The following VPS35L variants were observed in gnomAD, a reference collection of about 807,000 sequenced individuals.
VPS35L encodes VPS35 endosomal protein sorting factor like, also known as VPS35 endosomal protein-sorting factor-like.
VPS35L carries 83 observed loss-of-function variants against 133.0 expected under a neutral mutation model. The observed-to-expected ratio is 0.62, with a 90% CI of 0.52 to 0.75. The LOEUF is 0.75. VPS35L is among the 30% of genes least tolerant of loss of function. The pLI is 0.00. For synonymous variants in VPS35L, 423 were observed against 449.9 expected, an observed-to-expected ratio of 0.94 and a Z score of 0.76; for missense variants, 1,083 against 1,206.8, an observed-to-expected ratio of 0.90 and a Z score of 1.52.
At chr16:19,625,350 A>G (rs1305144703) in intron 14 of VPS35L, among the ~76,000 whole-genome samples, 1 of 152,210 alleles carries the variant, frequency 6.6e-6, no homozygotes, top group Admixed American at 6.5e-5. Flanking sequence ...GCTGGTGGGC[A>G]CTAAGCTCTA....
chr16:19,606,925 C>T (rs1379700745), intron 9 of VPS35L, among the ~76,000 whole-genome samples: 3 of 152,202 alleles, frequency 2.0e-5, no homozygotes, highest in Non-Finnish European at 4.4e-5. Context: ...GCTGGGGCTA[C>T]AGGCATGAGC....
At chr16:19,564,358 A>C (rs1379475498) in intron 1 of VPS35L, among the ~76,000 whole-genome samples, 1 of 152,050 alleles carries the variant, frequency 6.6e-6, no homozygotes, top group East Asian at 1.9e-4. Flanking sequence ...AATTATAGGC[A>C]TGAGCCACTG....
intron 5 of VPS35L, among the ~76,000 whole-genome samples, chr16:19,575,861 A>AAT (rs1971516106): frequency 6.9e-6 from 1 of 144,136 alleles, no homozygotes; most frequent in South Asian, 2.2e-4. Flanking sequence ...GTATTAAAAA[A>AAT]ATATATATAT....
At chr16:19,601,594 TAACA>T (rs1972385730) in intron 8 of VPS35L, 66 bp from the exon 9 acceptor site, 1 of 1,491,380 alleles carries the variant, frequency 6.7e-7, no homozygotes, top group African/African-American at 1.4e-5. Flanking sequence ...GGTCCCTAAT[TAACA>T]AACATTTATT....
At chr16:19,650,247 A>G in intron 24 of VPS35L, 135 bp from the exon 25 acceptor site, 1 of 711,974 alleles carries the variant, frequency 1.4e-6, no homozygotes, top group Admixed American at 2.1e-5. Flanking sequence ...TTCAAGGTTT[A>G]GTGCTAACCA....
intron 26 of VPS35L, among the ~76,000 whole-genome samples, chr16:19,653,205 G>A (rs1169119055): frequency 6.6e-6 from 1 of 152,150 alleles, no homozygotes; most frequent in African/African-American, 2.4e-5. Context: ...CCAAGAGAAG[G>A]CACTCAGGTG....
chr16:19,609,124 A>G (rs1972627735), intron 11 of VPS35L, 103 bp downstream of exon 11: 5 of 985,924 alleles, frequency 5.1e-6, no homozygotes, highest in East Asian at 2.5e-5. Flanking sequence ...TTCACTGAGT[A>G]CTTAATGTGT....
chr16:19,691,380 G>A lies in VPS35L; in HGVS notation c.2555G>A (p.Gly852Glu), dbSNP rs138740165. The A allele has an allele frequency of 6.2e-6, 10 of 1,613,736 alleles. No homozygotes were observed. Among genetic ancestry groups the A allele is most frequent in the African/African-American group, 1.3e-5 (1 of 74,930 alleles). The change falls in exon 29 of 31, where the codon GGA (glycine) becomes GAA (glutamate). Residue 852 changes from glycine (G) to glutamate (E), a missense_variant. Physicochemically the swap from Gly to Glu is moderately conservative, Grantham distance 98. Coordinates refer to ENST00000417362, the MANE Select transcript of VPS35L (RefSeq NM_020314.7). ...KVDSNDSLYG[G>E]DSKFLAENNK... ...GACTCCAACGACAGCCTCTACGGGG[G>A]AGACTCCAAGTTCCTGGCAGAAAAC... is the stretch of plus-strand genomic sequence containing the variant.
At chr16:19,690,893 C>T (rs920086313) in intron 28 of VPS35L, among the ~76,000 whole-genome samples, 4 of 151,526 alleles carry the variant, frequency 2.6e-5, no homozygotes, top group Non-Finnish European at 5.9e-5. Flanking sequence ...AGCCTTGAGG[C>T]GGAGGTTGCA....
rs1421605843 is a variant in VPS35L at position 19,637,657 on chromosome 16, G to C, written c.1698+1G>C. 6.4e-7 allele frequency: 1 copy of C among 1,568,960 alleles called. No homozygotes were observed. The highest frequency in any genetic ancestry group is 8.7e-7 in the Non-Finnish European group (1 of 1,150,386). ...TGACTTCTCAGTTCTTTTCTCAGTGGTAAGTAGGATTTCTTAATTATCTTT... is the reference window on the plus strand; with the variant it reads ...TGACTTCTCAGTTCTTTTCTCAGTGCTAAGTAGGATTTCTTAATTATCTTT... On this transcript the variant is annotated splice_donor_variant, in intron 20 of 30. Coordinates refer to ENST00000417362, the MANE Select transcript of VPS35L (RefSeq NM_020314.7). LOFTEE classifies it high-confidence loss of function.
chr16:19,570,856 T>TC (rs1971346243), intron 3 of VPS35L, among the ~76,000 whole-genome samples: 1 of 43,868 alleles, frequency 2.3e-5, no homozygotes, highest in African/African-American at 2.4e-4. Flanking sequence ...TATATATATA[T>TC]ATATATATAT....
In VPS35L at chr16:19,601,645, T is replaced by G. The variant is rs1454942696; in HGVS notation, c.725-19T>G. The G allele has an allele frequency of 6.2e-7, 1 of 1,613,202 alleles. No individual in the cohort carries two copies. The highest frequency in any genetic ancestry group is 8.5e-7 in the Non-Finnish European group (1 of 1,179,302). On this transcript the variant is annotated intron_variant, in intron 8 of 30. Transcript: ENST00000417362. ...CCTGAAGAGTGTGATACTAACACCA[T>G]CTGTCCTTTTCCTCCCAGGAAAGCT...
chr16:19,640,467 G>A (rs1297272440), intron 21 of VPS35L, among the ~76,000 whole-genome samples: 1 of 152,200 alleles, frequency 6.6e-6, no homozygotes, highest in South Asian at 2.1e-4. Context: ...AGAAGGAGCA[G>A]TCTTTTGATA....
chr16:19,613,414 T>A (rs1972788141), intron 12 of VPS35L, among the ~76,000 whole-genome samples: 1 of 152,236 alleles, frequency 6.6e-6, no homozygotes, highest in African/African-American at 2.4e-5. Context: ...CTGGCCAGTG[T>A]CTGGAGAGGC....
At chr16:19,685,964 C>G (rs913897221) in intron 28 of VPS35L, among the ~76,000 whole-genome samples, 1 of 152,154 alleles carries the variant, frequency 6.6e-6, no homozygotes, top group African/African-American at 2.4e-5. Flanking sequence ...TTTCTCTGAA[C>G]AAGGCCGCCA....
rs371127603 is a variant in VPS35L, at chr16:19,689,170, G to T, written c.2528-2183G>T. On this transcript the variant is annotated intron_variant, in intron 28 of 30. Transcript: ENST00000417362. ...ATTTTTGTATTTTTAGTAGAGACGG[G>T]GTTTCACCATGTTGACCAGGATGGT... 1.0e-3 allele frequency among the ~76,000 whole-genome samples: 156 copies of T among 151,840 alleles called. 2 individuals carry two copies. Among genetic ancestry groups the T allele is most frequent in the African/African-American group, 3.6e-3 (150 of 41,424 alleles).
chr16:19,610,638 C>T (rs369836401), intron 12 of VPS35L: 4 of 373,046 alleles, frequency 1.1e-5, no homozygotes, highest in Admixed American at 4.6e-5. Flanking sequence ...AATTAGGGGA[C>T]GTTTAAGGTC....
At chr16:19,674,031 A>T (rs186122876) in intron 27 of VPS35L, among the ~76,000 whole-genome samples, 13 of 152,228 alleles carry the variant, frequency 8.5e-5, no homozygotes, top group African/African-American at 2.4e-4. Context: ...CACAGATGCT[A>T]CAGGATGTTT....
At chr16:19,687,219 G>T (rs930753574) in intron 28 of VPS35L, among the ~76,000 whole-genome samples, 5 of 152,144 alleles carry the variant, frequency 3.3e-5, no homozygotes, top group African/African-American at 4.8e-5. Context: ...CCTTGGGGTG[G>T]TTGGACCTTC....
Sources: allele counts gnomAD v4.1 joint callset (sites outside exome capture counted in the v4.1 genomes callset), GRCh38; gene constraint gnomAD v4.1.1; transcripts MANE v1.5; gene names NCBI Gene and HGNC (gene_info 2026-07-23, HGNC 2026-07-21).